The following PPM1G variants were observed in gnomAD, a reference collection of about 807,000 sequenced individuals.
PPM1G encodes the protein protein phosphatase, Mg2+/Mn2+ dependent 1G.
Under a neutral mutation model 59.4 loss-of-function variants are expected in PPM1G, and 12 were observed. The observed-to-expected ratio is 0.20, with a 90% CI of 0.13 to 0.33. The LOEUF is 0.33. Among genes scored for constraint, PPM1G ranks in the 10% least tolerant of loss-of-function variants. The pLI, the probability that PPM1G is intolerant of heterozygous loss-of-function variation, is 1.00. For missense variants in PPM1G, 392 were observed against 681.3 expected, an observed-to-expected ratio of 0.58 and a Z score of 4.73; for synonymous variants, 245 against 251.9, an observed-to-expected ratio of 0.97 and a Z score of 0.26.
intron 1 of PPM1G, among the ~76,000 whole-genome samples, chr2:27,396,800 A>AG (rs2148424759): frequency 7.3e-6 from 1 of 137,088 alleles, no homozygotes; most frequent in African/African-American, 3.0e-5. Flanking sequence ...TAGGTGACAG[A>AG]GCAAGACTCC....
At position 27,385,582 on chromosome 2, in the gene PPM1G, C is replaced by T. The variant is rs1683742899; in HGVS notation, c.409+165G>A. 1.2e-6 allele frequency: 1 copy of T among 852,486 alleles called. No individual in the cohort carries two copies. Among genetic ancestry groups the T allele is most frequent in the Non-Finnish European group, 1.7e-6 (1 of 576,102 alleles). 52.8% of individuals were successfully genotyped at this position (852,486 alleles called of 1,614,324 possible). A position where few individuals can be genotyped will look rare whatever the true frequency, so the allele number is the denominator to read the frequency against. ...CCACTCAACGAAGATAATTCTCTCCCTCCTTTTCATAACCACATACAATGC... is the reference window on the plus strand; with the variant it reads ...CCACTCAACGAAGATAATTCTCTCCTTCCTTTTCATAACCACATACAATGC... On this transcript the variant is annotated intron_variant, in intron 4 of 9. Coordinates refer to ENST00000344034, the MANE Select transcript of PPM1G (RefSeq NM_177983.3). This position sits in a 1 kb window ranked among gnomAD's most constrained non-coding sequence, Gnocchi z 4.1.
In PPM1G at chr2:27,385,163, G is replaced by T; in HGVS notation, c.410-75C>A. The stretch of plus-strand genomic sequence containing the variant: ...ATCCGTCCCTCTCACTACCTCAACA[G>T]CCCTTGCAGCCTCTAACTTCCCCAC... On this transcript the variant is annotated intron_variant, in intron 4 of 9. Transcript: ENST00000344034. The surrounding 1 kb of genome is among the most constrained non-coding windows in gnomAD (Gnocchi z 4.1). 1 of 1,475,174 alleles carries T rather than the reference G, an allele frequency of 6.8e-7. No homozygotes were observed. Among genetic ancestry groups the T allele is most frequent in the Non-Finnish European group, 9.0e-7 (1 of 1,112,056 alleles). The allele number at this position is 1,475,174 out of a possible 1,614,324, so 91.4% of individuals were successfully genotyped here. A position where few individuals can be genotyped will look rare whatever the true frequency, so the allele number is the denominator to read the frequency against.
chr2:27,396,162 C>T (rs985411939), intron 1 of PPM1G, among the ~76,000 whole-genome samples: 6 of 152,090 alleles, frequency 3.9e-5, no homozygotes, highest in South Asian at 4.2e-4. Flanking sequence ...ATCCCAGCTA[C>T]GTGGGAGGCC....
chr2:27,399,328 C>A (rs1430691581), intron 1 of PPM1G, among the ~76,000 whole-genome samples: 2 of 152,096 alleles, frequency 1.3e-5, no homozygotes, highest in Non-Finnish European at 2.9e-5. Context: ...AGACTTTGAA[C>A]AGACATTTCT....
intron 1 of PPM1G, among the ~76,000 whole-genome samples, chr2:27,398,715 G>A (rs939355483): frequency 6.6e-6 from 1 of 151,990 alleles, no homozygotes; most frequent in Non-Finnish European, 1.5e-5. Flanking sequence ...CTAGCTACTC[G>A]GGAGGCTGAG....
Position 27,382,425 on chromosome 2 carries a change from G to A in PPM1G, c.1331+51C>T. ...CCTAGAGGTGCCCTGAGTCCTATAA[G>A]AGAAGACATGCTGCAGAAAGGGGAA... On this transcript the variant is annotated intron_variant, in intron 8 of 9. Transcript: ENST00000344034. This position sits in a 1 kb window ranked among gnomAD's most constrained non-coding sequence, Gnocchi z 4.2. 6.2e-7 allele frequency: 1 copy of A among 1,610,992 alleles called. No homozygotes were observed. Among genetic ancestry groups the A allele is most frequent in the Non-Finnish European group, 8.5e-7 (1 of 1,178,654 alleles).
In PPM1G at chr2:27,384,251, G is replaced by C. The variant is rs1021560161; in HGVS notation, c.826-159C>G. ...AAAATTGGGGGGATGGAAAGGGCTA[G>C]CATGAGTACAACTGACATCCTGAAC... On this transcript the variant is annotated intron_variant, in intron 5 of 9. Coordinates refer to ENST00000344034, the MANE Select transcript of PPM1G (RefSeq NM_177983.3). The surrounding 1 kb of genome is among the most constrained non-coding windows in gnomAD (Gnocchi z 4.8). Among the ~76,000 whole-genome samples the C allele has an allele frequency of 1.3e-5, 2 of 152,204 alleles. No individual in the cohort carries two copies. Among genetic ancestry groups the C allele is most frequent in the Non-Finnish European group, 2.9e-5 (2 of 68,046 alleles).
In PPM1G at chr2:27,382,258, C is replaced by T. The variant is rs201395792; in HGVS notation, c.1332-30G>A. On this transcript the variant is annotated intron_variant, in intron 8 of 9. Coordinates refer to ENST00000344034, the MANE Select transcript of PPM1G (RefSeq NM_177983.3). The surrounding 1 kb of genome is among the most constrained non-coding windows in gnomAD (Gnocchi z 4.2). ...GGTCAAGAACAACAGTCAGAATCTT[C>T]CAGTCTCACTAAGGCAGCGTAGAGG... 2 of 1,605,380 alleles carry T rather than the reference C, an allele frequency of 1.2e-6. No individual in the cohort carries two copies. The highest frequency in any genetic ancestry group is 1.7e-6 in the Non-Finnish European group (2 of 1,171,990).
At chr2:27,408,676 C>A (rs952189350) in intron 1 of PPM1G, among the ~76,000 whole-genome samples, 2 of 152,134 alleles carry the variant, frequency 1.3e-5, no homozygotes, top group Non-Finnish European at 2.9e-5. Flanking sequence ...AACCTAGGGA[C>A]TGACATAATT....
Position 27,381,615 on chromosome 2 carries a change from T to C in PPM1G, c.1625A>G (p.Lys542Arg). Residue 542 changes from lysine (K) to arginine (R), a missense_variant, in exon 10 of 10, where the codon AAG (lysine) becomes AGG (arginine). Lys to Arg is a conservative substitution (Grantham distance 26). This residue lies in a region of PPM1G where 49 missense variants were observed against 43.4 expected (regional missense o/e 1.13). Transcript: ENST00000344034. ...GGATGACTGCTAGTCTCGCTTGGCCTTCTTCTTCTTGTCGCTGTTGCCATT... is the reference window on the plus strand; with the variant it reads ...GGATGACTGCTAGTCTCGCTTGGCCCTCTTCTTCTTGTCGCTGTTGCCATT... The part of the protein sequence containing the change: ...EENGNSDKKK[K>R]AKRD The C allele has an allele frequency of 1.9e-6, 3 of 1,611,832 alleles. No homozygotes were observed. Among genetic ancestry groups the C allele is most frequent in the Non-Finnish European group, 2.5e-6 (3 of 1,178,370 alleles).
intron 1 of PPM1G, among the ~76,000 whole-genome samples, chr2:27,401,818 C>T (rs930729481): frequency 6.6e-6 from 1 of 151,736 alleles, no homozygotes; most frequent in Admixed American, 6.6e-5. Flanking sequence ...CAGAGCAAGA[C>T]CCTGTCTCGA....
rs201099919 is a variant in PPM1G, at chr2:27,395,250, AG to A, written c.121-8093del. 1.1e-3 allele frequency among the ~76,000 whole-genome samples: 151 copies of A among 138,456 alleles called. 1 individual carries two copies. The highest frequency in any genetic ancestry group is 5.3e-3 in the South Asian group (24 of 4,486). 90.8% of individuals were successfully genotyped at this position (138,456 alleles called of 152,430 possible). On this transcript the variant is annotated intron_variant, in intron 1 of 9. Transcript: ENST00000344034. ...CTCTGTCTCAAAAAAAAAAAAAAAA[AG>A]AAAGAAAGAAAGAAAGAAAAACTTA...
At position 27,384,156 on chromosome 2, in the gene PPM1G, A is replaced by T. The variant is rs1319074864; in HGVS notation, c.826-64T>A. On this transcript the variant is annotated intron_variant, in intron 5 of 9. Coordinates refer to ENST00000344034, the MANE Select transcript of PPM1G (RefSeq NM_177983.3). The surrounding 1 kb of genome is among the most constrained non-coding windows in gnomAD (Gnocchi z 4.8). ...GATCCCCTCCCTCCCCACAGCTCATACTCAGAATCAAGAGGTCCTGACTGA... is the reference window on the plus strand; with the variant it reads ...GATCCCCTCCCTCCCCACAGCTCATTCTCAGAATCAAGAGGTCCTGACTGA... The T allele has an allele frequency of 6.2e-7, 1 of 1,607,276 alleles. No homozygotes were observed. Among genetic ancestry groups the T allele is most frequent in the African/African-American group, 1.3e-5 (1 of 74,744 alleles).
intron 1 of PPM1G, among the ~76,000 whole-genome samples, chr2:27,391,423 G>A (rs868819713): frequency 1.3e-5 from 2 of 152,192 alleles, no homozygotes; most frequent in African/African-American, 2.4e-5. Flanking sequence ...ATTTGCATTT[G>A]TCTGATGATT....
rs920134901 is a variant in PPM1G at position 27,384,839 on chromosome 2, C to T, written c.659G>A (p.Arg220His). ...ACCAACTTGGCCTGCCTCAGTCCCA[C>T]GTTCCGAGTTGGAGGAAAAGCCTGT... ...AYTGFSSNSERGTEAGQVGEP... is the reference protein window; with the variant it reads ...AYTGFSSNSEHGTEAGQVGEP... The change falls in exon 5 of 10, where the codon CGT becomes CAT. Residue 220 changes from arginine to histidine, a missense_variant. Coordinates refer to ENST00000344034, the MANE Select transcript of PPM1G (RefSeq NM_177983.3). This position sits in a 1 kb window ranked among gnomAD's most constrained non-coding sequence, Gnocchi z 4.8. 7.4e-6 allele frequency: 12 copies of T among 1,614,236 alleles called. No homozygotes were observed. Among genetic ancestry groups the T allele is most frequent in the South Asian group, 1.1e-5 (1 of 91,090 alleles).
At chr2:27,390,967 A>G (rs928377015) in intron 1 of PPM1G, among the ~76,000 whole-genome samples, 1 of 152,238 alleles carries the variant, frequency 6.6e-6, no homozygotes, top group Non-Finnish European at 1.5e-5. Context: ...TTTGCTTAGG[A>G]TAATGCCCTC....
chr2:27,408,787 A>G (rs984198296), intron 1 of PPM1G, among the ~76,000 whole-genome samples: 2 of 152,202 alleles, frequency 1.3e-5, no homozygotes, highest in African/African-American at 2.4e-5. Context: ...CAAGAGCCCA[A>G]GGCCAGGCAA....
At chr2:27,398,594 C>T (rs1017092810) in intron 1 of PPM1G, among the ~76,000 whole-genome samples, 4 of 151,838 alleles carry the variant, frequency 2.6e-5, no homozygotes, top group South Asian at 2.1e-4. Context: ...GAGGCCCAGG[C>T]GGACGGATCA....
At chr2:27,409,261 C>G in intron 1 of PPM1G, 42 bp downstream of exon 1, 2 of 1,538,520 alleles carry the variant, frequency 1.3e-6, no homozygotes, top group East Asian at 5.2e-5. Context: ...CCGTCAGATT[C>G]CCGCCCCGCA....
Sources: gnomAD v4.1 joint callset for allele counts (sites outside exome capture counted in the v4.1 genomes callset) on GRCh38, gnomAD v4.1.1 for gene constraint, gnomAD v4.1.1 regional missense constraint, Gnocchi (gnomAD v3.1) non-coding constraint, MANE v1.5 for transcripts, NCBI Gene and HGNC (gene_info 2026-07-23, HGNC 2026-07-21) for gene names.